Variants in BCAS3 observed in about 807,000 individuals in gnomAD.
BCAS3 encodes BCAS3 microtubule associated cell migration factor.
In BCAS3, 53 loss-of-function variants were observed where a neutral mutation model predicts 116.1. The ratio of observed to expected loss-of-function variants is 0.46; its 90% CI spans 0.37 to 0.57. The LOEUF is 0.57. BCAS3 is among the 20% of genes least tolerant of loss of function. The probability of loss-of-function intolerance (pLI) is 0.00; values close to 1 mark genes in which losing one functional copy is unlikely to be tolerated. For synonymous variants in BCAS3, 391 were observed against 408.2 expected (o/e 0.96, Z 0.51); for missense variants, 917 against 1,165.4 (o/e 0.79, Z 3.10).
At chr17:61,245,923 C>G (rs1602159383) in intron 22 of BCAS3, among the ~76,000 whole-genome samples, 1 of 152,182 alleles carries the variant, frequency 6.6e-6, no homozygotes, top group Non-Finnish European at 1.5e-5. Context: ...TATTGGTGCA[C>G]TCAGCGTGAG....
In BCAS3 at chr17:61,339,649, C is replaced by T. The variant is rs1486104547; in HGVS notation, c.2426-28678C>T. Among the ~76,000 whole-genome samples, 1 of 151,946 alleles carries T rather than the reference C, an allele frequency of 6.6e-6. No homozygotes were observed. The highest frequency in any genetic ancestry group is 6.6e-5 in the Admixed American group (1 of 15,234). ...GGCGTGGTGGTGCCCATCTGTAATC[C>T]CAGCTACTCGGGAGGCTGAGGCAGG... On this transcript the variant is annotated intron_variant, in intron 22 of 23. Coordinates refer to ENST00000407086, the MANE Select transcript of BCAS3 (RefSeq NM_017679.5). The surrounding 1 kb of genome is among the most constrained non-coding windows in gnomAD (Gnocchi z 4.4).
At chr17:60,951,277 A>G (rs1321170025) in intron 14 of BCAS3, among the ~76,000 whole-genome samples, 1 of 152,180 alleles carries the variant, frequency 6.6e-6, no homozygotes, top group East Asian at 1.9e-4. Context: ...CTAAAATATT[A>G]TGCAACTGTA....
chr17:60,939,140 C>G (rs1482356124), intron 13 of BCAS3, among the ~76,000 whole-genome samples: 5 of 152,068 alleles, frequency 3.3e-5, no homozygotes, highest in Admixed American at 3.3e-4. Context: ...TATTAAAAAA[C>G]TAGAAACAGG....
In BCAS3 at chr17:61,087,092, A is replaced by G. The variant is rs900627554; in HGVS notation, c.2425+2528A>G. Reference sequence around the variant, plus strand: ...TATTTATGGGAAAATTTTGTTGTAGATTCTTCTGTTAAAAAGAATCTAATA... The same window carrying G: ...TATTTATGGGAAAATTTTGTTGTAGGTTCTTCTGTTAAAAAGAATCTAATA... On this transcript the variant is annotated intron_variant, in intron 22 of 23. Coordinates refer to ENST00000407086, the MANE Select transcript of BCAS3 (RefSeq NM_017679.5). This position sits in a 1 kb window ranked among gnomAD's most constrained non-coding sequence, Gnocchi z 4.6. The G allele has an allele frequency of 2.0e-6, 2 of 984,622 alleles. No individual in the cohort carries two copies. The allele number at this position is 984,622 out of a possible 1,614,324, so 61.0% of individuals were successfully genotyped here. A position where few individuals can be genotyped will look rare whatever the true frequency, so the allele number is the denominator to read the frequency against.
Position 61,186,952 on chromosome 17 carries a change from C to T in BCAS3, c.2425+102388C>T, listed in dbSNP as rs1171983645. Among the ~76,000 whole-genome samples the T allele has an allele frequency of 6.6e-6, 1 of 152,174 alleles. No individual in the cohort carries two copies. The highest frequency in any genetic ancestry group is 1.5e-5 in the Non-Finnish European group (1 of 68,030). On this transcript the variant is annotated intron_variant, in intron 22 of 23. Transcript: ENST00000407086. This position sits in a 1 kb window ranked among gnomAD's most constrained non-coding sequence, Gnocchi z 4.9. ...GTCTCGATCTCCTGACCTCGTGATC[C>T]ACCCACCTCGGCCTCCCAAAGTGCT...
At chr17:60,947,185 T>G in intron 13 of BCAS3, 34 bp from the exon 14 acceptor site, 1 of 1,583,502 alleles carries the variant, frequency 6.3e-7, no homozygotes, top group Non-Finnish European at 8.6e-7. Flanking sequence ...TACATAATCA[T>G]TTTTATTTTT....
intron 7 of BCAS3, among the ~76,000 whole-genome samples, chr17:60,823,972 AC>A (rs1241750546): frequency 1.3e-5 from 2 of 152,170 alleles, no homozygotes; most frequent in African/African-American, 4.8e-5. Flanking sequence ...CCTGACTACT[AC>A]CTTCCAAAAT....
chr17:60,921,496 C>T (rs1005881181), intron 12 of BCAS3, among the ~76,000 whole-genome samples: 1 of 150,914 alleles, frequency 6.6e-6, no homozygotes, highest in Non-Finnish European at 1.5e-5. Flanking sequence ...GCCTGTAGTC[C>T]CAGCTACTTG....
intron 13 of BCAS3, among the ~76,000 whole-genome samples, chr17:60,935,047 C>T (rs1010039241): frequency 7.2e-5 from 11 of 152,088 alleles, no homozygotes; most frequent in Non-Finnish European, 1.6e-4. Context: ...AGCTGTAATC[C>T]CAGCTACTTG....
chr17:61,283,119 C>T (rs1260986874), intron 22 of BCAS3, among the ~76,000 whole-genome samples: 1 of 151,754 alleles, frequency 6.6e-6, no homozygotes, highest in African/African-American at 2.4e-5. Context: ...GTATTGAAAA[C>T]GATTGGGCAG....
chr17:60,774,298 G>A (rs372501147), intron 6 of BCAS3, among the ~76,000 whole-genome samples: 104 of 151,998 alleles, frequency 6.8e-4, no homozygotes, highest in African/African-American at 1.9e-3. Flanking sequence ...TACAATTTGC[G>A]TGTACATGTG....
rs946009625 is a variant in BCAS3, at chr17:61,213,805, G to T, written c.2425+129241G>T. Among the ~76,000 whole-genome samples, 2 of 152,116 alleles carry T rather than the reference G, an allele frequency of 1.3e-5. No individual in the cohort carries two copies. The highest frequency in any genetic ancestry group is 2.9e-5 in the Non-Finnish European group (2 of 68,034). ...AGTATATCATGATTACCAAATCACA[G>T]CTCCCAACATGTGATTATAAGGGTA... On this transcript the variant is annotated intron_variant, in intron 22 of 23. Coordinates refer to ENST00000407086, the MANE Select transcript of BCAS3 (RefSeq NM_017679.5). This position sits in a 1 kb window ranked among gnomAD's most constrained non-coding sequence, Gnocchi z 5.4.
intron 22 of BCAS3, among the ~76,000 whole-genome samples, chr17:61,240,703 T>C (rs2047439274): frequency 6.6e-6 from 1 of 152,182 alleles, no homozygotes; most frequent in South Asian, 2.1e-4. Context: ...CTGAGACTTA[T>C]CAGCCTTAGC....
At chr17:60,771,361 A>G (rs1057205865) in intron 6 of BCAS3, among the ~76,000 whole-genome samples, 2 of 152,152 alleles carry the variant, frequency 1.3e-5, no homozygotes, top group Admixed American at 1.3e-4. Flanking sequence ...AATACGTAGA[A>G]AAGCCGTTCT....
Position 61,082,274 on chromosome 17 carries a change from T to A in BCAS3, c.2328-2193T>A, listed in dbSNP as rs1441735202. On this transcript the variant is annotated intron_variant, in intron 21 of 23. Coordinates refer to ENST00000407086, the MANE Select transcript of BCAS3 (RefSeq NM_017679.5). This position sits in a 1 kb window ranked among gnomAD's most constrained non-coding sequence, Gnocchi z 5.1. The stretch of plus-strand genomic sequence containing the variant: ...CATGAAATTTACCAGTTTTAAAATG[T>A]ACAAGTCAGTGGGTTTTAGTATATT... 2.0e-5 allele frequency among the ~76,000 whole-genome samples: 3 copies of A among 152,236 alleles called. No homozygotes were observed.
rs940197385 is a variant in BCAS3 at position 61,030,267 on chromosome 17, C to G, written c.1638-4399C>G. Among the ~76,000 whole-genome samples the G allele has an allele frequency of 6.6e-5, 10 of 152,152 alleles. No individual in the cohort carries two copies. In the East Asian group the frequency reaches 1.4e-3, roughly 21 times the overall value. ...CATGCTTGTGTCCTTCCACAGAAGG[C>G]ACTGGAGCACATTGCTGCTTATCAT... On this transcript the variant is annotated intron_variant, in intron 16 of 23. Transcript: ENST00000407086.
At position 61,026,981 on chromosome 17, in the gene BCAS3, T is replaced by C; in HGVS notation, c.1638-7685T>C. 6.8e-7 allele frequency: 1 copy of C among 1,460,464 alleles called. No homozygotes were observed. Among genetic ancestry groups the C allele is most frequent in the Non-Finnish European group, 9.4e-7 (1 of 1,063,436 alleles). The allele number at this position is 1,460,464 out of a possible 1,614,324, so 90.5% of individuals were successfully genotyped here. ...CTCAAAAAGTAATTTGTTTTGTAGT[T>C]TTGTTTCCAGTTGCATGGCCTGATC... On this transcript the variant is annotated intron_variant, in intron 16 of 23. Coordinates refer to ENST00000407086, the MANE Select transcript of BCAS3 (RefSeq NM_017679.5). This position sits in a 1 kb window ranked among gnomAD's most constrained non-coding sequence, Gnocchi z 5.0.
chr17:61,054,965 A>C (rs2069227865), intron 19 of BCAS3, among the ~76,000 whole-genome samples: 1 of 152,238 alleles, frequency 6.6e-6, no homozygotes, highest in Admixed American at 6.5e-5. Context: ...CCTGTAGGCT[A>C]TCAGAACTCT....
At chr17:61,230,164 CACACACACACAT>C (rs2082590036) in intron 22 of BCAS3, among the ~76,000 whole-genome samples, 1 of 151,868 alleles carries the variant, frequency 6.6e-6, no homozygotes, top group Non-Finnish European at 1.5e-5. Context: ...CACACACACA[CACACACACACAT>C]AGTGTTGATA....
Sources: allele counts gnomAD v4.1 joint callset (sites outside exome capture counted in the v4.1 genomes callset), GRCh38; gene constraint gnomAD v4.1.1; non-coding constraint Gnocchi (gnomAD v3.1); transcripts MANE v1.5; gene names NCBI Gene and HGNC (gene_info 2026-07-23, HGNC 2026-07-21).